The following LAMC1 variants were observed in gnomAD, a reference collection of about 807,000 sequenced individuals.
LAMC1 encodes the protein laminin subunit gamma 1, also known as laminin subunit gamma-1.
Under a neutral mutation model 173.6 loss-of-function variants are expected in LAMC1, and 38 were observed. The observed-to-expected ratio is 0.22, with a 90% CI of 0.17 to 0.29. The LOEUF (loss-of-function observed/expected upper bound fraction) is 0.29, where lower values mean the gene tolerates loss of function less well. Ranked by LOEUF, LAMC1 falls within the 10% of genes least tolerant of loss-of-function variation. LAMC1 has a pLI of 1.00. For synonymous variants in LAMC1, 746 were observed against 749.1 expected (o/e 1.00, Z 0.07); for missense variants, 1,824 against 2,051.8 (o/e 0.89, Z 2.14).
chr1:183,099,447 G>C (rs183618647), intron 1 of LAMC1, among the ~76,000 whole-genome samples: 3 of 152,100 alleles, frequency 2.0e-5, no homozygotes, highest in Admixed American at 2.0e-4. Context: ...GTGCAGCTGT[G>C]ACCTCTGTGG....
chr1:183,117,735 T>G lies in LAMC1; in HGVS notation c.1877+12T>G, dbSNP rs1350398388. 6.2e-7 allele frequency: 1 copy of G among 1,605,132 alleles called. No individual in the cohort carries two copies. On this transcript the variant is annotated intron_variant, in intron 10 of 27. Transcript: ENST00000258341. ...AAGTATGTCTTCAGGTAAGATAGCC[T>G]TCTTTGTAAAGTGAGACTTGACGAA...
intron 4 of LAMC1, among the ~76,000 whole-genome samples, chr1:183,111,776 C>G (rs1239232175): frequency 7.7e-6 from 1 of 129,048 alleles, no homozygotes; most frequent in Non-Finnish European, 1.7e-5. Context: ...TGGCTAACGC[C>G]TGTAATCTCA....
chr1:183,116,182 T>TA (rs1001497880), intron 6 of LAMC1, among the ~76,000 whole-genome samples: 5 of 151,594 alleles, frequency 3.3e-5, no homozygotes, highest in East Asian at 2.0e-4. Context: ...GTATTTCTTT[T>TA]AAAAAAGTCT....
intron 1 of LAMC1, among the ~76,000 whole-genome samples, chr1:183,051,154 T>G (rs921009004): frequency 1.3e-5 from 2 of 152,220 alleles, no homozygotes; most frequent in African/African-American, 4.8e-5. Context: ...CCACAGATGC[T>G]TTGACACTCC....
At chr1:183,078,272 G>A (rs910795037) in intron 1 of LAMC1, among the ~76,000 whole-genome samples, 2 of 152,154 alleles carry the variant, frequency 1.3e-5, no homozygotes, top group Non-Finnish European at 2.9e-5. Flanking sequence ...TGAGCCAAGG[G>A]AGGGAACTAA....
At position 183,104,430 on chromosome 1, in the gene LAMC1, T is replaced by C. The variant is rs73053829; in HGVS notation, c.723+798T>C. Among the ~76,000 whole-genome samples the C allele has an allele frequency of 8.3e-3, 1,258 of 152,346 alleles. 12 individuals carry two copies. The highest frequency in any genetic ancestry group is 0.029 in the African/African-American group (1,202 of 41,584). ...GGAAAAGCTGGTGAGCCTCATGCTG[T>C]ACTCAGCACTTTAACACAGAATTGG... On this transcript the variant is annotated intron_variant, in intron 2 of 27. Coordinates refer to ENST00000258341, the MANE Select transcript of LAMC1 (RefSeq NM_002293.4).
At chr1:183,128,503 A>G in intron 17 of LAMC1, 91 bp from the exon 18 acceptor site, 1 of 929,488 alleles carries the variant, frequency 1.1e-6, no homozygotes. Flanking sequence ...ATATTCATGG[A>G]GTGCCCATGA....
chr1:183,101,523 T>C (rs1655834057), intron 1 of LAMC1, among the ~76,000 whole-genome samples: 1 of 151,820 alleles, frequency 6.6e-6, no homozygotes, highest in Admixed American at 6.6e-5. Flanking sequence ...TATGTGAACG[T>C]ATTCAGAATC....
chr1:183,038,758 A>G (rs1030583511), intron 1 of LAMC1, among the ~76,000 whole-genome samples: 3 of 152,348 alleles, frequency 2.0e-5, no homozygotes, highest in African/African-American at 7.2e-5. Flanking sequence ...TTTATTATCA[A>G]AAACTGTAAG....
intron 1 of LAMC1, among the ~76,000 whole-genome samples, chr1:183,095,122 G>T (rs970777042): frequency 6.6e-6 from 1 of 152,120 alleles, no homozygotes; most frequent in Admixed American, 6.5e-5. Context: ...TGGGACTACA[G>T]GTGTGAGCCA....
In LAMC1 at chr1:183,136,544, A is replaced by G. The variant is rs1203956819; in HGVS notation, c.4273A>G (p.Lys1425Glu). Residue 1425 changes from lysine to glutamate, a missense_variant, in exon 25 of 28, where the codon AAG (lysine) becomes GAG (glutamate). By Grantham distance (56) the Lys-to-Glu change is moderately conservative. Coordinates refer to ENST00000258341, the MANE Select transcript of LAMC1 (RefSeq NM_002293.4). ...AAADATEAKN[K>E]AHEAERIASA... ...GGCGGATGCCACAGAGGCCAAGAAC[A>G]AGGCCCATGAGGCGGAGAGGATCGC... 2 of 1,613,474 alleles carry G rather than the reference A, an allele frequency of 1.2e-6. No homozygotes were observed. The highest frequency in any genetic ancestry group is 8.5e-7 in the Non-Finnish European group (1 of 1,179,718).
At chr1:183,141,892 G>A (rs557290435) in intron 27 of LAMC1, among the ~76,000 whole-genome samples, 66 of 152,336 alleles carry the variant, frequency 4.3e-4, no homozygotes, top group Middle Eastern at 3.4e-3. Flanking sequence ...AGTCAAGTAT[G>A]CATGAAATGC....
intron 17 of LAMC1, 47 bp downstream of exon 17, chr1:183,127,451 G>A (rs1379119585): frequency 1.3e-6 from 2 of 1,563,284 alleles, no homozygotes; most frequent in Non-Finnish European, 8.8e-7. Context: ...CAGACGTTGA[G>A]TGGCAACTTA....
chr1:183,103,184 C>T, intron 1 of LAMC1, 144 bp from the exon 2 acceptor site: 1 of 831,136 alleles, frequency 1.2e-6, no homozygotes, highest in Non-Finnish European at 1.9e-6. Flanking sequence ...ACGTAGTTTT[C>T]TGTTTTAGAA....
At chr1:183,085,369 G>A (rs1325494918) in intron 1 of LAMC1, among the ~76,000 whole-genome samples, 1 of 151,832 alleles carries the variant, frequency 6.6e-6, no homozygotes, top group Non-Finnish European at 1.5e-5. Context: ...TTTCTTGTTT[G>A]TTTTGTTTTT....
intron 1 of LAMC1, among the ~76,000 whole-genome samples, chr1:183,046,412 A>G (rs1425328844): frequency 6.6e-6 from 1 of 152,028 alleles, no homozygotes; most frequent in Non-Finnish European, 1.5e-5. Flanking sequence ...TTGTGTATCC[A>G]TTTGGATTGA....
intron 21 of LAMC1, 59 bp downstream of exon 21, chr1:183,132,596 T>C: frequency 7.3e-7 from 1 of 1,364,388 alleles, no homozygotes; most frequent in African/African-American, 1.4e-5. Flanking sequence ...GTAACACTAG[T>C]TCAATGAAAA....
chr1:183,080,212 T>C (rs968137142), intron 1 of LAMC1, among the ~76,000 whole-genome samples: 7 of 152,184 alleles, frequency 4.6e-5, no homozygotes, highest in Non-Finnish European at 8.8e-5. Flanking sequence ...CCATTGCACT[T>C]TAGCCTGGGT....
At position 183,139,345 on chromosome 1, in the gene LAMC1, T is replaced by C. The variant is rs141596315; in HGVS notation, c.4474-1059T>C. Among the ~76,000 whole-genome samples the C allele has an allele frequency of 3.9e-3, 587 of 152,302 alleles. 6 individuals are homozygous for C. The highest frequency in any genetic ancestry group is 0.014 in the African/African-American group (573 of 41,568). ...GCCAGTATTATTTGAATCTGTATTG[T>C]ATTTTTTAACCAGAAGAATGAAGGT... On this transcript the variant is annotated intron_variant, in intron 26 of 27. Transcript: ENST00000258341.
Sources: gnomAD v4.1 joint callset for allele counts (sites outside exome capture counted in the v4.1 genomes callset) on GRCh38, gnomAD v4.1.1 for gene constraint, MANE v1.5 for transcripts, NCBI Gene and HGNC (gene_info 2026-07-23, HGNC 2026-07-21) for gene names.